The following IFT56 variants were observed in gnomAD, a reference collection of about 807,000 sequenced individuals.
The protein encoded by IFT56 is intraflagellar transport protein 56.
At chr7:139,148,334 A>G in the IFT56 span, 3 of 1,613,904 alleles carry the variant, frequency 1.9e-6, no homozygotes, top group Non-Finnish European at 2.5e-6. Context: ...CTCAATCTTA[A>G]AGCCTGTAAC....
At chr7:139,140,542 G>A in the IFT56 span, among the ~76,000 whole-genome samples, 3 of 152,088 alleles carry the variant, frequency 2.0e-5, no homozygotes, top group Non-Finnish European at 4.4e-5. Flanking sequence ...CACTTTGGGA[G>A]GCCAAGGTGG....
the IFT56 span, among the ~76,000 whole-genome samples, chr7:139,136,756 T>C: frequency 1.1e-4 from 16 of 152,292 alleles, no homozygotes; most frequent in South Asian, 3.3e-3. Context: ...AGGGCCAGAC[T>C]GCCTTTAAGT....
chr7:139,179,774 T>C, the IFT56 span: 1 of 709,662 alleles, frequency 1.4e-6, no homozygotes, highest in East Asian at 2.7e-5. Flanking sequence ...GAGTAAACAC[T>C]GAAATTAAGC....
the IFT56 span, chr7:139,191,951 A>T: frequency 1.3e-5 from 2 of 152,320 alleles, no homozygotes; most frequent in East Asian, 3.9e-4. Context: ...ATTCTACTGT[A>T]TTATATTCAA....
chr7:139,150,297 G>A, the IFT56 span, among the ~76,000 whole-genome samples: 1 of 152,144 alleles, frequency 6.6e-6, no homozygotes, highest in Admixed American at 6.6e-5. Context: ...CCGTTAGTAA[G>A]AACAAATAAA....
the IFT56 span, among the ~76,000 whole-genome samples, chr7:139,143,705 G>A: frequency 1.3e-5 from 2 of 151,682 alleles, no homozygotes; most frequent in Non-Finnish European, 2.9e-5. Context: ...CTTCATAACT[G>A]CCATCCTGTT....
At chr7:139,158,552 T>A in the IFT56 span, among the ~76,000 whole-genome samples, 9 of 152,156 alleles carry the variant, frequency 5.9e-5, no homozygotes, top group African/African-American at 2.2e-4. Context: ...GTATTCTTCA[T>A]CTATTAAGAC....
chr7:139,174,749 C>T, the IFT56 span, among the ~76,000 whole-genome samples: 3 of 152,048 alleles, frequency 2.0e-5, no homozygotes, highest in Non-Finnish European at 4.4e-5. Context: ...GCCCGGGTGC[C>T]GTGGCTCACA....
At chr7:139,182,178 T>A in the IFT56 span, among the ~76,000 whole-genome samples, 46 of 152,260 alleles carry the variant, frequency 3.0e-4, no homozygotes, top group South Asian at 8.3e-4. Flanking sequence ...AAGATTTTTT[T>A]AAAATCAGCC....
chr7:139,133,988 T>C, the IFT56 span: 4 of 1,123,262 alleles, frequency 3.6e-6, no homozygotes, highest in African/African-American at 6.1e-5. Context: ...TCTCCCTGTG[T>C]TCCCACGGGG....
the IFT56 span, among the ~76,000 whole-genome samples, chr7:139,172,129 C>CAA: frequency 2.5e-5 from 2 of 81,070 alleles, no homozygotes; most frequent in Non-Finnish European, 5.0e-5. Flanking sequence ...AACCAATTTG[C>CAA]AAAAAAAAAA....
the IFT56 span, chr7:139,169,376 G>C: frequency 1.9e-6 from 3 of 1,607,396 alleles, no homozygotes; most frequent in Non-Finnish European, 2.6e-6. Context: ...CTGTACTTAT[G>C]ATCTGCTTCA....
At chr7:139,175,975 G>A in the IFT56 span, among the ~76,000 whole-genome samples, 1 of 151,832 alleles carries the variant, frequency 6.6e-6, no homozygotes. Context: ...GACTACAGGC[G>A]CCCGCACCAC....
chr7:139,133,813 C>G, the IFT56 span: 1 of 1,613,960 alleles, frequency 6.2e-7, no homozygotes, highest in Non-Finnish European at 8.5e-7. Context: ...AACGCTGAGG[C>G]GCGGCCTTCG....
At chr7:139,154,661 A>G in the IFT56 span, among the ~76,000 whole-genome samples, 54 of 152,126 alleles carry the variant, frequency 3.5e-4, no homozygotes, top group Non-Finnish European at 6.9e-4. Flanking sequence ...AAATGGATTC[A>G]TTTCTTCTGG....
chr7:139,168,417 T>A, the IFT56 span: 1 of 1,597,214 alleles, frequency 6.3e-7, no homozygotes, highest in Non-Finnish European at 8.6e-7. Context: ...AAATCACTGA[T>A]AATCTATAGG....
At chr7:139,137,484 C>T in the IFT56 span, among the ~76,000 whole-genome samples, 531 of 152,348 alleles carry the variant, frequency 3.5e-3, 4 homozygotes, top group African/African-American at 0.012. Flanking sequence ...TGCCAGCACA[C>T]ATACTGGCCG....
At chr7:139,176,750 T>C in the IFT56 span, among the ~76,000 whole-genome samples, 1 of 152,250 alleles carries the variant, frequency 6.6e-6, no homozygotes, top group South Asian at 2.1e-4. Context: ...GGTTATTTAG[T>C]TCAATTTTCC....
At chr7:139,168,374 G>C in the IFT56 span, 1 of 1,611,422 alleles carries the variant, frequency 6.2e-7, no homozygotes. Flanking sequence ...GGTCAATGCA[G>C]CCCTTGGCCA....
Sources: allele counts gnomAD v4.1 joint callset (sites outside exome capture counted in the v4.1 genomes callset), GRCh38; gene constraint gnomAD v4.1.1; transcripts MANE v1.5; gene names NCBI Gene and HGNC (gene_info 2026-07-23, HGNC 2026-07-21).